ATXN1: variants seen among roughly 807,000 people sequenced by gnomAD.
ATXN1 encodes the protein ataxin 1.
A neutral mutation model predicts 56.4 loss-of-function variants in ATXN1; 8 were observed. The observed-to-expected ratio is 0.14, with a 90% CI of 0.08 to 0.26. The LOEUF (loss-of-function observed/expected upper bound fraction) is 0.26. Among genes scored for constraint, ATXN1 ranks in the 10% least tolerant of loss-of-function variants. The pLI is 1.00. For missense variants in ATXN1, 987 were observed against 1,106.5 expected (o/e 0.89, Z 1.53); for synonymous variants, 514 against 494.6 (o/e 1.04, Z -0.52).
At chr6:16,570,305 AT>A (rs1451326205) in intron 4 of ATXN1, among the ~76,000 whole-genome samples, 2 of 152,226 alleles carry the variant, frequency 1.3e-5, no homozygotes, top group African/African-American at 4.8e-5. Flanking sequence ...ATTCCTTCTA[AT>A]CTATTTGGGA....
intron 5 of ATXN1, among the ~76,000 whole-genome samples, chr6:16,491,290 T>C (rs1426603235): frequency 1.1e-4 from 15 of 137,496 alleles, no homozygotes; most frequent in Admixed American, 1.5e-4. Flanking sequence ...TTTTTTTTTT[T>C]TTTTTTTTTT....
intron 3 of ATXN1, among the ~76,000 whole-genome samples, chr6:16,638,514 G>A (rs1308755292): frequency 6.6e-6 from 1 of 150,744 alleles, no homozygotes; most frequent in Non-Finnish European, 1.5e-5. Context: ...GTCTTACAAA[G>A]GGCCTGCAGG....
chr6:16,420,174 T>C (rs940157192), intron 6 of ATXN1, among the ~76,000 whole-genome samples: 1 of 152,212 alleles, frequency 6.6e-6, no homozygotes, highest in African/African-American at 2.4e-5. Context: ...GAAATCACCA[T>C]AGCACCACTG....
Position 16,302,370 on chromosome 6 carries a change from TCAA to T in ATXN1, c.*3956_*3958del, listed in dbSNP as rs977750577. The T allele has an allele frequency of 2.6e-5, 4 of 152,422 alleles. No individual in the cohort carries two copies. The highest frequency in any genetic ancestry group is 7.2e-5 in the African/African-American group (3 of 41,410). 9.4% of individuals were successfully genotyped at this position (152,422 alleles called of 1,614,324 possible). On this transcript the variant is annotated 3_prime_UTR_variant, in exon 8 of 8. Transcript: ENST00000436367. ...TCACAATTCCAAGTTAGAAATGGGATCAACAACAACAGAAATCAAATCATCCCA... is the reference window on the plus strand; with the variant it reads ...TCACAATTCCAAGTTAGAAATGGGATCAACAACAGAAATCAAATCATCCCA...
At chr6:16,664,426 C>T (rs574134206) in intron 2 of ATXN1, among the ~76,000 whole-genome samples, 2 of 151,892 alleles carry the variant, frequency 1.3e-5, no homozygotes, top group Non-Finnish European at 2.9e-5. Flanking sequence ...ATATACCAGC[C>T]GGTACGTTCC....
intron 3 of ATXN1, among the ~76,000 whole-genome samples, chr6:16,629,978 T>C (rs1297016451): frequency 6.6e-6 from 1 of 152,180 alleles, no homozygotes; most frequent in Non-Finnish European, 1.5e-5. Flanking sequence ...ATAACCTTCT[T>C]CTGGAAAGGG....
At chr6:16,716,068 T>C (rs1759634772) in intron 2 of ATXN1, among the ~76,000 whole-genome samples, 1 of 152,140 alleles carries the variant, frequency 6.6e-6, no homozygotes, top group Admixed American at 6.5e-5. Flanking sequence ...CACTCAAGGC[T>C]AAATTAACGC....
At chr6:16,531,523 T>C (rs1280646831) in intron 4 of ATXN1, among the ~76,000 whole-genome samples, 1 of 151,172 alleles carries the variant, frequency 6.6e-6, no homozygotes, top group Non-Finnish European at 1.5e-5. Flanking sequence ...CTCAGGAGGC[T>C]GAGGCAGGAG....
rs1211614343 is a variant in ATXN1 at position 16,301,860 on chromosome 6, G to A, written c.*4469C>T. The A allele has an allele frequency of 6.5e-6, 1 of 152,716 alleles. No individual in the cohort carries two copies. Among genetic ancestry groups the A allele is most frequent in the Admixed American group, 6.5e-5 (1 of 15,282 alleles). The allele number at this position is 152,716 out of a possible 1,614,324, so 9.5% of individuals were successfully genotyped here. A position where few individuals can be genotyped will look rare whatever the true frequency, so the allele number is the denominator to read the frequency against. On this transcript the variant is annotated 3_prime_UTR_variant, in exon 8 of 8. Transcript: ENST00000436367. Reference sequence around the variant, plus strand: ...TAGCACGGTATTAGTGTCTTCAAAAGCATTGGAGATTTTTCTCTCTATGAA... The same window carrying A: ...TAGCACGGTATTAGTGTCTTCAAAAACATTGGAGATTTTTCTCTCTATGAA...
At chr6:16,670,306 A>T (rs1305086719) in intron 2 of ATXN1, among the ~76,000 whole-genome samples, 1 of 152,128 alleles carries the variant, frequency 6.6e-6, no homozygotes. Flanking sequence ...TGGTTCTCCA[A>T]TCACCTCTCC....
intron 6 of ATXN1, among the ~76,000 whole-genome samples, chr6:16,353,023 G>C (rs1381076439): frequency 6.6e-6 from 1 of 152,170 alleles, no homozygotes; most frequent in African/African-American, 2.4e-5. Flanking sequence ...CAGCGGACAA[G>C]CTGGAGAAAG....
At chr6:16,694,465 GC>G (rs1301415051) in intron 2 of ATXN1, among the ~76,000 whole-genome samples, 5 of 152,084 alleles carry the variant, frequency 3.3e-5, no homozygotes, top group African/African-American at 9.6e-5. Context: ...TGTTGCCCAG[GC>G]TCGTCACAAT....
intron 6 of ATXN1, among the ~76,000 whole-genome samples, chr6:16,444,203 A>G (rs986510002): frequency 1.3e-5 from 2 of 152,170 alleles, no homozygotes; most frequent in Non-Finnish European, 2.9e-5. Context: ...GTCCACTGGA[A>G]AGGAAAAACA....
intron 3 of ATXN1, among the ~76,000 whole-genome samples, chr6:16,616,661 TTA>T (rs909952093): frequency 2.1e-5 from 3 of 142,836 alleles, no homozygotes; most frequent in Admixed American, 7.1e-5. Context: ...TAATATAAAA[TTA>T]TATATATTAT....
chr6:16,529,528 C>T (rs986474977), intron 4 of ATXN1, among the ~76,000 whole-genome samples: 2 of 152,094 alleles, frequency 1.3e-5, no homozygotes, highest in African/African-American at 4.8e-5. Flanking sequence ...CTCATCTGAC[C>T]TAAGCGCAAT....
intron 6 of ATXN1, among the ~76,000 whole-genome samples, chr6:16,359,302 C>T (rs140808957): frequency 9.3e-4 from 141 of 152,276 alleles, no homozygotes; most frequent in Non-Finnish European, 1.7e-3. Flanking sequence ...GTGCCTCTTC[C>T]GTCCACCCAT....
At chr6:16,618,816 A>G (rs1763267956) in intron 3 of ATXN1, among the ~76,000 whole-genome samples, 3 of 152,058 alleles carry the variant, frequency 2.0e-5, no homozygotes, top group African/African-American at 4.8e-5. Context: ...AGATATTTTG[A>G]TTTTGTAAAT....
intron 3 of ATXN1, chr6:16,616,121 T>G (rs1763204473): frequency 6.6e-6 from 1 of 152,168 alleles, no homozygotes; most frequent in Non-Finnish European, 1.5e-5. Context: ...ATCAGGATGC[T>G]GTAGAAGAAA....
chr6:16,397,230 C>A (rs1758475503), intron 6 of ATXN1, among the ~76,000 whole-genome samples: 1 of 152,074 alleles, frequency 6.6e-6, no homozygotes, highest in East Asian at 1.9e-4. Flanking sequence ...TCCTGTTATT[C>A]CCGAGCCAGT....
Sources: allele counts gnomAD v4.1 joint callset (sites outside exome capture counted in the v4.1 genomes callset), GRCh38; gene constraint gnomAD v4.1.1; transcripts MANE v1.5; gene names NCBI Gene and HGNC (gene_info 2026-07-23, HGNC 2026-07-21).